Variants in CCSER1 observed in about 807,000 individuals in gnomAD.
CCSER1 encodes the protein coiled-coil serine rich protein 1.
A neutral mutation model predicts 82.0 loss-of-function variants in CCSER1; 41 were observed. The observed-to-expected ratio is 0.50, with a 90% confidence interval of 0.39 to 0.65. The LOEUF (loss-of-function observed/expected upper bound fraction) is 0.65. Among genes scored for constraint, CCSER1 ranks in the 30% least tolerant of loss-of-function variants. CCSER1 has a pLI of 0.00. For missense variants in CCSER1, 1,119 were observed against 1,064.2 expected (o/e 1.05, Z -0.72); for synonymous variants, 414 against 383.9 (o/e 1.08, Z -0.92).
At chr4:90,298,919 T>C (rs572242004) in intron 1 of CCSER1, among the ~76,000 whole-genome samples, 63 of 152,240 alleles carry the variant, frequency 4.1e-4, no homozygotes, top group African/African-American at 9.4e-4. Context: ...CTGGGTCATA[T>C]GCTTTTACAC....
chr4:90,600,015 A>G (rs940831031), intron 5 of CCSER1, among the ~76,000 whole-genome samples: 1 of 152,106 alleles, frequency 6.6e-6, no homozygotes, highest in South Asian at 2.1e-4. Context: ...AATTATTTTG[A>G]TGTTCTTATG....
At chr4:91,403,890 C>T (rs544693882) in intron 10 of CCSER1, among the ~76,000 whole-genome samples, 19 of 152,126 alleles carry the variant, frequency 1.2e-4, no homozygotes, top group African/African-American at 3.6e-4. Flanking sequence ...GACATTGATA[C>T]CAGGATGATG....
chr4:90,988,548 T>C (rs1736771712), intron 9 of CCSER1, among the ~76,000 whole-genome samples: 1 of 151,728 alleles, frequency 6.6e-6, no homozygotes, highest in African/African-American at 2.4e-5. Context: ...CTAATCATCA[T>C]GTTTTTATCT....
chr4:90,643,937 T>A (rs926167114), intron 6 of CCSER1, among the ~76,000 whole-genome samples: 3 of 152,170 alleles, frequency 2.0e-5, no homozygotes, highest in African/African-American at 7.2e-5. Context: ...TTAGTATTAA[T>A]TCTAAATTTG....
chr4:90,977,499 A>G (rs951567104), intron 9 of CCSER1, among the ~76,000 whole-genome samples: 1 of 151,592 alleles, frequency 6.6e-6, no homozygotes. Context: ...CAAATTGCAT[A>G]TACTGGCATT....
intron 6 of CCSER1, among the ~76,000 whole-genome samples, chr4:90,684,013 G>A (rs1419254227): frequency 6.6e-6 from 1 of 152,022 alleles, no homozygotes; most frequent in African/African-American, 2.4e-5. Flanking sequence ...GTCATGTTTT[G>A]TTTTGTTTGT....
chr4:90,338,982 T>C (rs1364776818), intron 3 of CCSER1, among the ~76,000 whole-genome samples: 1 of 152,236 alleles, frequency 6.6e-6, no homozygotes, highest in Non-Finnish European at 1.5e-5. Flanking sequence ...GCAGCATTTG[T>C]TGAATAAATG....
Position 90,969,762 on chromosome 4 carries a change from A to G in CCSER1, c.2172+46315A>G, listed in dbSNP as rs527697946. On this transcript the variant is annotated intron_variant, in intron 9 of 10. Coordinates refer to ENST00000509176, the MANE Select transcript of CCSER1 (RefSeq NM_001145065.2). The stretch of plus-strand genomic sequence containing the variant: ...AAAACTCACTGGCAAAGGTAAATAT[A>G]TAGTTAATGTCATAATTATCTGATG... Among the ~76,000 whole-genome samples the G allele has an allele frequency of 4.6e-5, 7 of 152,098 alleles. No individual in the cohort carries two copies. The South Asian group carries it at 1.0e-3, about 23-fold the overall frequency.
intron 10 of CCSER1, among the ~76,000 whole-genome samples, chr4:91,195,030 T>C (rs562569486): frequency 2.6e-4 from 39 of 152,332 alleles, no homozygotes; most frequent in African/African-American, 8.9e-4. Context: ...TTTTCTTTAT[T>C]ATAAAACTTG....
At chr4:91,053,272 T>C (rs961288288) in intron 9 of CCSER1, among the ~76,000 whole-genome samples, 6 of 152,214 alleles carry the variant, frequency 3.9e-5, no homozygotes, top group Admixed American at 6.6e-5. Flanking sequence ...AGGACAACTC[T>C]TTCCAGCTTG....
At chr4:90,465,869 C>G (rs1052197321) in intron 4 of CCSER1, among the ~76,000 whole-genome samples, 8 of 152,064 alleles carry the variant, frequency 5.3e-5, no homozygotes, top group Admixed American at 4.6e-4. Context: ...TGGGGAGTGA[C>G]TGATGTTATT....
chr4:90,820,520 A>G (rs1251525042), intron 8 of CCSER1, among the ~76,000 whole-genome samples: 1 of 152,108 alleles, frequency 6.6e-6, no homozygotes, highest in East Asian at 1.9e-4. Flanking sequence ...AGCCCGTTTT[A>G]TAGCAGCTTT....
chr4:90,128,340 G>C (rs1722183554), intron 1 of CCSER1, among the ~76,000 whole-genome samples: 1 of 152,206 alleles, frequency 6.6e-6, no homozygotes, highest in East Asian at 1.9e-4. Flanking sequence ...ACCGCAGTGC[G>C]GGGCCGGGAC....
intron 1 of CCSER1, among the ~76,000 whole-genome samples, chr4:90,244,433 G>A (rs1336267583): frequency 6.6e-6 from 1 of 152,160 alleles, no homozygotes; most frequent in Non-Finnish European, 1.5e-5. Context: ...TCAGGCAGAG[G>A]TTAAATGCTT....
intron 5 of CCSER1, among the ~76,000 whole-genome samples, chr4:90,583,808 T>C (rs1047523758): frequency 1.3e-5 from 2 of 152,164 alleles, no homozygotes; most frequent in East Asian, 1.9e-4. Context: ...AAAACTGATT[T>C]TTTTTTCAAA....
intron 5 of CCSER1, among the ~76,000 whole-genome samples, chr4:90,571,423 A>G (rs978170927): frequency 2.6e-5 from 4 of 152,202 alleles, no homozygotes; most frequent in South Asian, 2.1e-4. Flanking sequence ...AATCACGTCA[A>G]TCATGTTCCA....
intron 8 of CCSER1, among the ~76,000 whole-genome samples, chr4:90,849,660 G>T (rs952790020): frequency 6.6e-6 from 1 of 151,634 alleles, no homozygotes; most frequent in African/African-American, 2.4e-5. Context: ...GTGGTGGCAG[G>T]CGCCTGTAGT....
intron 10 of CCSER1, among the ~76,000 whole-genome samples, chr4:91,450,459 A>G (rs1188781405): frequency 1.3e-5 from 2 of 152,060 alleles, no homozygotes; most frequent in African/African-American, 2.4e-5. Context: ...AAAAATCTTG[A>G]TACAATATAT....
intron 4 of CCSER1, among the ~76,000 whole-genome samples, chr4:90,409,987 T>G (rs1013465224): frequency 7.9e-5 from 12 of 152,176 alleles, no homozygotes; most frequent in African/African-American, 2.9e-4. Flanking sequence ...AATCCTAGTC[T>G]CGGATAAAAC....
Sources: gnomAD v4.1 joint callset for allele counts (sites outside exome capture counted in the v4.1 genomes callset) on GRCh38, gnomAD v4.1.1 for gene constraint, MANE v1.5 for transcripts, NCBI Gene and HGNC (gene_info 2026-07-23, HGNC 2026-07-21) for gene names.